CNTN3: variants seen among roughly 807,000 people sequenced by gnomAD.
CNTN3 encodes contactin-3.
Under a neutral mutation model 119.1 loss-of-function variants are expected in CNTN3, and 60 were observed. The ratio of observed to expected loss-of-function variants is 0.50; its 90% CI spans 0.41 to 0.62. The LOEUF (loss-of-function observed/expected upper bound fraction) is 0.62, where lower values mean the gene tolerates loss of function less well. Among genes scored for constraint, CNTN3 ranks in the 20% least tolerant of loss-of-function variants. The pLI is 0.00. For missense variants in CNTN3, 1,101 were observed against 1,242.4 expected (o/e 0.89, Z 1.71); for synonymous variants, 450 against 438.7 (o/e 1.03, Z -0.32).
intron 20 of CNTN3, among the ~76,000 whole-genome samples, chr3:74,285,100 T>A (rs1479274455): frequency 2.6e-5 from 4 of 152,176 alleles, no homozygotes; most frequent in Non-Finnish European, 5.9e-5. Flanking sequence ...AGGTGCACGT[T>A]CATTTTCACA....
At chr3:74,580,019 G>C (rs569957265) in intron 1 of CNTN3, among the ~76,000 whole-genome samples, 2 of 152,090 alleles carry the variant, frequency 1.3e-5, no homozygotes, top group Non-Finnish European at 2.9e-5. Context: ...AACAGAGAGG[G>C]AGAATGCAAA....
At chr3:74,386,882 A>C (rs1704760700) in intron 5 of CNTN3, among the ~76,000 whole-genome samples, 1 of 152,162 alleles carries the variant, frequency 6.6e-6, no homozygotes. Flanking sequence ...GTATCCTGCA[A>C]AGGAGGATCA....
chr3:74,276,717 C>G (rs1340419350), intron 20 of CNTN3, among the ~76,000 whole-genome samples: 2 of 152,028 alleles, frequency 1.3e-5, no homozygotes, highest in African/African-American at 4.8e-5. Flanking sequence ...GGTCACACCT[C>G]AAGGAACTAG....
chr3:74,410,371 C>T (rs1701418011), intron 5 of CNTN3, among the ~76,000 whole-genome samples: 1 of 152,144 alleles, frequency 6.6e-6, no homozygotes, highest in South Asian at 2.1e-4. Context: ...AAAAACAAAA[C>T]ACATCATGTG....
At chr3:74,421,048 C>T (rs1575708286) in intron 5 of CNTN3, among the ~76,000 whole-genome samples, 1 of 152,294 alleles carries the variant, frequency 6.6e-6, no homozygotes, top group Non-Finnish European at 1.5e-5. Context: ...ATCTTCCTCC[C>T]CATACTTTTA....
chr3:74,487,711 CT>C (rs1559628152), intron 3 of CNTN3, among the ~76,000 whole-genome samples: 1 of 151,958 alleles, frequency 6.6e-6, no homozygotes, highest in African/African-American at 2.4e-5. Context: ...AATATTTAAC[CT>C]GCACATATGT....
At chr3:74,446,536 G>A (rs1216772904) in intron 4 of CNTN3, among the ~76,000 whole-genome samples, 1 of 151,974 alleles carries the variant, frequency 6.6e-6, no homozygotes, top group East Asian at 1.9e-4. Flanking sequence ...GTAGCAGTCT[G>A]GATTGAGATG....
At chr3:74,516,817 A>G (rs1703458468) in intron 2 of CNTN3, among the ~76,000 whole-genome samples, 1 of 143,908 alleles carries the variant, frequency 6.9e-6, no homozygotes, top group Admixed American at 6.8e-5. Context: ...TAATAGCTTA[A>G]AACAATATCC....
intron 1 of CNTN3, among the ~76,000 whole-genome samples, chr3:74,590,480 ACGCAG>A (rs1704682361): frequency 6.6e-6 from 1 of 152,018 alleles, no homozygotes; most frequent in Admixed American, 6.6e-5. Context: ...AGAGACAGGG[ACGCAG>A]TGCTCAGAGC....
intron 1 of CNTN3, among the ~76,000 whole-genome samples, chr3:74,557,837 A>T (rs1256325781): frequency 6.6e-6 from 1 of 152,120 alleles, no homozygotes; most frequent in Non-Finnish European, 1.5e-5. Flanking sequence ...GCAGAGATAG[A>T]GTATTTTGTC....
intron 13 of CNTN3, among the ~76,000 whole-genome samples, chr3:74,309,517 G>A (rs1177338979): frequency 6.6e-6 from 1 of 152,104 alleles, no homozygotes; most frequent in East Asian, 1.9e-4. Flanking sequence ...AGTTCTCAGT[G>A]CTGGCTGTAC....
At chr3:74,543,862 A>T (rs1703876039) in intron 1 of CNTN3, among the ~76,000 whole-genome samples, 1 of 152,222 alleles carries the variant, frequency 6.6e-6, no homozygotes, top group Admixed American at 6.5e-5. Flanking sequence ...TGGGGAGGGC[A>T]GTGATTTTGT....
At chr3:74,475,736 T>C (rs1702642638) in intron 4 of CNTN3, among the ~76,000 whole-genome samples, 2 of 152,144 alleles carry the variant, frequency 1.3e-5, no homozygotes, top group Non-Finnish European at 2.9e-5. Flanking sequence ...ATTTCATACT[T>C]GAAAATGCAC....
At chr3:74,501,009 G>A (rs1170992459) in intron 2 of CNTN3, among the ~76,000 whole-genome samples, 1 of 152,020 alleles carries the variant, frequency 6.6e-6, no homozygotes, top group African/African-American at 2.4e-5. Context: ...AGTCCGTGCA[G>A]GGATACTCTC....
At chr3:74,377,795 G>A (rs1704516554) in intron 5 of CNTN3, among the ~76,000 whole-genome samples, 1 of 152,174 alleles carries the variant, frequency 6.6e-6, no homozygotes, top group Admixed American at 6.5e-5. Flanking sequence ...TCTGCCTCTA[G>A]CTATATTCCT....
At position 74,521,041 on chromosome 3, in the gene CNTN3, A is replaced by G; in HGVS notation, c.55+17T>C. 6.5e-7 allele frequency: 1 copy of G among 1,547,520 alleles called. No homozygotes were observed. ...TACTTCTAACCTCAACTTAGAAAAT[A>G]TAGGATTTTTTTTTACCTCCTAAGC... On this transcript the variant is annotated intron_variant, in intron 2 of 22. Coordinates refer to ENST00000263665, the MANE Select transcript of CNTN3 (RefSeq NM_020872.3).
chr3:74,267,440 G>T, intron 20 of CNTN3, 62 bp from the exon 21 acceptor site: 1 of 1,147,860 alleles, frequency 8.7e-7, no homozygotes. Flanking sequence ...TTTACACGGA[G>T]GAGATGGCGG....
chr3:74,295,048 T>G (rs1003822455), intron 19 of CNTN3, 73 bp downstream of exon 19: 1 of 1,025,022 alleles, frequency 9.8e-7, no homozygotes, highest in Non-Finnish European at 1.5e-6. Context: ...AGGTCATTGT[T>G]AAGGGTTTTA....
At chr3:74,482,254 T>G (rs954701439) in intron 4 of CNTN3, among the ~76,000 whole-genome samples, 2 of 152,008 alleles carry the variant, frequency 1.3e-5, no homozygotes, top group African/African-American at 4.8e-5. Context: ...TCCAAGTATT[T>G]TTTTAAAACT....
Sources: allele counts gnomAD v4.1 joint callset (sites outside exome capture counted in the v4.1 genomes callset), GRCh38; gene constraint gnomAD v4.1.1; transcripts MANE v1.5; gene names NCBI Gene and HGNC (gene_info 2026-07-23, HGNC 2026-07-21).